SNORD118: variants seen among roughly 807,000 people sequenced by gnomAD.
SNORD118 encodes small nucleolar RNA, C/D box 118.
exon 1 of SNORD118, chr17:8,173,513 T>C (rs533335254): frequency 3.4e-5 from 26 of 765,342 alleles, no homozygotes; most frequent in East Asian, 7.3e-5. Flanking sequence ...TTAATCACGT[T>C]TCATGCATCT....
exon 1 of SNORD118, chr17:8,173,525 C>G (rs372252345): frequency 1.3e-6 from 1 of 765,360 alleles, no homozygotes; most frequent in Non-Finnish European, 2.4e-6. Context: ...CATGCATCTC[C>G]AATCATCATG....
exon 1 of SNORD118, chr17:8,173,494 G>T (rs749380587): frequency 9.2e-6 from 7 of 764,960 alleles, no homozygotes; most frequent in African/African-American, 3.4e-5. Flanking sequence ...TCCTGATTAC[G>T]CAGAGACGTT....
chr17:8,173,481 A>T (rs753825081), exon 1 of SNORD118: 1 of 765,000 alleles, frequency 1.3e-6, no homozygotes, highest in Non-Finnish European at 2.4e-6. Flanking sequence ...AGGGTGTTGC[A>T]AGTCCTGATT....
At chr17:8,173,584 A>T (rs539989837) in exon 1 of SNORD118, 1 of 764,420 alleles carries the variant, frequency 1.3e-6, no homozygotes, top group Non-Finnish European at 2.4e-6. Context: ...ATCCCACCTG[A>T]CGATACAGAC....
rs77558339 is a variant in SNORD118 at position 8,173,553 on chromosome 17, G to C, written n.35C>G. The C allele has an allele frequency of 4.6e-4, 354 of 765,322 alleles. No individual in the cohort carries two copies. The highest frequency in any genetic ancestry group is 3.8e-3 in the East Asian group (157 of 41,246). The allele number at this position is 765,322 out of a possible 1,614,324, so 47.4% of individuals were successfully genotyped here. On this transcript the variant is annotated non_coding_transcript_exon_variant, in exon 1 of 1. Transcript: ENST00000363593. Reference sequence around the variant, plus strand: ...TCATCATGTTCTAATCTGCCCTCCGGAGGAGGAACAGGTAAGGATTATCCC... The same window carrying C: ...TCATCATGTTCTAATCTGCCCTCCGCAGGAGGAACAGGTAAGGATTATCCC...
chr17:8,173,530 A>ATCATGTTC, exon 1 of SNORD118: 1 of 765,454 alleles, frequency 1.3e-6, no homozygotes, highest in Admixed American at 1.7e-5. Flanking sequence ...ATCTCCAATC[A>ATCATGTTC]TCATGTTCTA....
At chr17:8,173,555 G>T (rs117057308) in exon 1 of SNORD118, 8 of 765,362 alleles carry the variant, frequency 1.0e-5, no homozygotes, top group Admixed American at 5.1e-5. Flanking sequence ...GCCCTCCGGA[G>T]GAGGAACAGG....
In SNORD118 at chr17:8,173,525, C is replaced by T. The variant is rs372252345; in HGVS notation, n.63G>A. On this transcript the variant is annotated non_coding_transcript_exon_variant, in exon 1 of 1. Transcript: ENST00000363593. Reference sequence around the variant, plus strand: ...ACGTTAATCACGTTTCATGCATCTCCAATCATCATGTTCTAATCTGCCCTC... The same window carrying T: ...ACGTTAATCACGTTTCATGCATCTCTAATCATCATGTTCTAATCTGCCCTC... The T allele has an allele frequency of 1.1e-4, 87 of 765,240 alleles. No individual in the cohort carries two copies. The highest frequency in any genetic ancestry group is 7.6e-4 in the Admixed American group (45 of 58,998). 47.4% of individuals were successfully genotyped at this position (765,240 alleles called of 1,614,324 possible).
rs78363053 is a variant in SNORD118 at position 8,173,552 on chromosome 17, G to A, written n.36C>T. On this transcript the variant is annotated non_coding_transcript_exon_variant, in exon 1 of 1. Coordinates refer to ENST00000363593, the Ensembl canonical transcript of SNORD118. ...ATCATCATGTTCTAATCTGCCCTCC[G>A]GAGGAGGAACAGGTAAGGATTATCC... is the stretch of plus-strand genomic sequence containing the variant. The A allele has an allele frequency of 0.02, 15,184 of 765,158 alleles. 220 individuals carry two copies. The highest frequency in any genetic ancestry group is 0.071 in the Middle Eastern group (316 of 4,426). 47.4% of individuals were successfully genotyped at this position (765,158 alleles called of 1,614,324 possible).
chr17:8,173,519 C>CA (rs764535508), exon 1 of SNORD118: 2 of 765,256 alleles, frequency 2.6e-6, no homozygotes, highest in Non-Finnish European at 4.8e-6. Flanking sequence ...ACGTTTCATG[C>CA]ATCTCCAATC....
chr17:8,173,581 C>CT (rs1459695964), exon 1 of SNORD118: 16 of 764,224 alleles, frequency 2.1e-5, no homozygotes, highest in East Asian at 7.3e-5. Context: ...ATTATCCCAC[C>CT]TGACGATACA....
Position 8,173,557 on chromosome 17 carries a change from AG to A in SNORD118, n.30del, listed in dbSNP as rs750849232. 3.9e-6 allele frequency: 3 copies of A among 765,404 alleles called. No individual in the cohort carries two copies. In the Admixed American group the frequency reaches 5.1e-5, roughly 13 times the overall value. The allele number at this position is 765,404 out of a possible 1,614,324, so 47.4% of individuals were successfully genotyped here. A position where few individuals can be genotyped will look rare whatever the true frequency, so the allele number is the denominator to read the frequency against. On this transcript the variant is annotated non_coding_transcript_exon_variant, in exon 1 of 1. Coordinates refer to ENST00000363593, the Ensembl canonical transcript of SNORD118. ...CATGTTCTAATCTGCCCTCCGGAGGAGGAACAGGTAAGGATTATCCCACCTG... is the reference window on the plus strand; with the variant it reads ...CATGTTCTAATCTGCCCTCCGGAGGAGAACAGGTAAGGATTATCCCACCTG...
rs747057554 is a variant in SNORD118 at position 8,173,566 on chromosome 17, T to TA, written n.21dup. On this transcript the variant is annotated non_coding_transcript_exon_variant, in exon 1 of 1. Transcript: ENST00000363593. ...ATCTGCCCTCCGGAGGAGGAACAGG[T>TA]AAGGATTATCCCACCTGACGATACA... 22 of 765,138 alleles carry TA rather than the reference T, an allele frequency of 2.9e-5. No homozygotes were observed. Among genetic ancestry groups the TA allele is most frequent in the East Asian group, 9.7e-5 (4 of 41,258 alleles). 47.4% of individuals were successfully genotyped at this position (765,138 alleles called of 1,614,324 possible).
exon 1 of SNORD118, chr17:8,173,578 C>A (rs116705206): frequency 1.3e-6 from 1 of 764,528 alleles, no homozygotes; most frequent in Non-Finnish European, 2.4e-6. Flanking sequence ...AGGATTATCC[C>A]ACCTGACGAT....
chr17:8,173,572 T>A (rs754512822), exon 1 of SNORD118: 2 of 764,780 alleles, frequency 2.6e-6, no homozygotes, highest in Non-Finnish European at 4.8e-6. Context: ...CAGGTAAGGA[T>A]TATCCCACCT....
At position 8,173,488 on chromosome 17, in the gene SNORD118, G is replaced by A. The variant is rs150885627; in HGVS notation, n.100C>T. 82 of 765,068 alleles carry A rather than the reference G, an allele frequency of 1.1e-4. No homozygotes were observed. Among genetic ancestry groups the A allele is most frequent in the African/African-American group, 3.7e-4 (22 of 59,238 alleles). 47.4% of individuals were successfully genotyped at this position (765,068 alleles called of 1,614,324 possible). ...GAGCAATCAGGGTGTTGCAAGTCCTGATTACGCAGAGACGTTAATCACGTT... is the reference window on the plus strand; with the variant it reads ...GAGCAATCAGGGTGTTGCAAGTCCTAATTACGCAGAGACGTTAATCACGTT... On this transcript the variant is annotated non_coding_transcript_exon_variant, in exon 1 of 1. Coordinates refer to ENST00000363593, the Ensembl canonical transcript of SNORD118.
In SNORD118 at chr17:8,173,511, G is replaced by A. The variant is rs367845024; in HGVS notation, n.77C>T. 7.7e-5 allele frequency: 59 copies of A among 765,188 alleles called. No individual in the cohort carries two copies. The highest frequency in any genetic ancestry group is 2.4e-4 in the East Asian group (10 of 41,266). The allele number at this position is 765,188 out of a possible 1,614,324, so 47.4% of individuals were successfully genotyped here. A position where few individuals can be genotyped will look rare whatever the true frequency, so the allele number is the denominator to read the frequency against. ...CTGATTACGCAGAGACGTTAATCAC[G>A]TTTCATGCATCTCCAATCATCATGT... On this transcript the variant is annotated non_coding_transcript_exon_variant, in exon 1 of 1. Coordinates refer to ENST00000363593, the Ensembl canonical transcript of SNORD118.
At chr17:8,173,469 T>TA (rs1983788738) in exon 1 of SNORD118, 2 of 764,498 alleles carry the variant, frequency 2.6e-6, no homozygotes, top group East Asian at 2.4e-5. Flanking sequence ...ACAGGAGCAA[T>TA]CAGGGTGTTG....
exon 1 of SNORD118, chr17:8,173,566 T>A (rs369486184): frequency 2.5e-5 from 19 of 765,256 alleles, no homozygotes; most frequent in Non-Finnish European, 3.3e-5. Flanking sequence ...GAGGAACAGG[T>A]AAGGATTATC....
Sources: gnomAD v4.1 joint callset for allele counts on GRCh38, gnomAD v4.1.1 for gene constraint, MANE v1.5 for transcripts, NCBI Gene and HGNC (gene_info 2026-07-23, HGNC 2026-07-21) for gene names.